KCNMB2: variants seen among roughly 807,000 people sequenced by gnomAD.
The protein encoded by KCNMB2 is calcium-activated potassium channel subunit beta-2.
In KCNMB2, 9 loss-of-function variants were observed where a neutral mutation model predicts 24.5. The ratio of observed to expected loss-of-function variants is 0.37; its 90% CI spans 0.22 to 0.64. The LOEUF (loss-of-function observed/expected upper bound fraction) is 0.64, where lower values mean the gene tolerates loss of function less well. Ranked by LOEUF, KCNMB2 falls within the 30% of genes least tolerant of loss-of-function variation. The pLI is 0.63. For missense variants in KCNMB2, 226 were observed against 284.3 expected (o/e 0.79, Z 1.47); for synonymous variants, 109 against 104.4 (o/e 1.04, Z -0.27).
At chr3:178,769,598 T>C (rs1012466871) in intron 1 of KCNMB2, among the ~76,000 whole-genome samples, 4 of 152,188 alleles carry the variant, frequency 2.6e-5, no homozygotes, top group African/African-American at 9.7e-5. Flanking sequence ...GTAGAAAGTA[T>C]AAAAATACTT....
chr3:178,644,933 G>A (rs1432877833), intron 1 of KCNMB2, among the ~76,000 whole-genome samples: 1 of 151,804 alleles, frequency 6.6e-6, no homozygotes, highest in East Asian at 1.9e-4. Context: ...ATGAAGACAT[G>A]TATATGAAAA....
chr3:178,547,069 C>T (rs770937627), intron 1 of KCNMB2, among the ~76,000 whole-genome samples: 5 of 152,214 alleles, frequency 3.3e-5, no homozygotes, highest in Non-Finnish European at 5.9e-5. Context: ...GTCATGAGTG[C>T]TCTGCCCTCC....
intron 1 of KCNMB2, among the ~76,000 whole-genome samples, chr3:178,682,454 T>C (rs1372664539): frequency 1.3e-5 from 2 of 152,068 alleles, no homozygotes; most frequent in Non-Finnish European, 2.9e-5. Flanking sequence ...AAATCTTCTA[T>C]TCAGCATCTC....
intron 1 of KCNMB2, among the ~76,000 whole-genome samples, chr3:178,756,014 C>T (rs768206346): frequency 9.9e-5 from 15 of 152,030 alleles, no homozygotes; most frequent in Non-Finnish European, 1.8e-4. Context: ...AACTTTCTTG[C>T]TGAAAATTTG....
chr3:178,787,178 T>C (rs1420066538), intron 1 of KCNMB2, among the ~76,000 whole-genome samples: 1 of 152,224 alleles, frequency 6.6e-6, no homozygotes, highest in Non-Finnish European at 1.5e-5. Flanking sequence ...TTTAACTGTG[T>C]GAACCTTTAC....
At chr3:178,594,329 G>C (rs1717787877) in intron 1 of KCNMB2, among the ~76,000 whole-genome samples, 1 of 152,104 alleles carries the variant, frequency 6.6e-6, no homozygotes, top group Admixed American at 6.6e-5. Flanking sequence ...CAAAAGCAGA[G>C]AGACCAATTA....
chr3:178,786,479 A>T (rs115510347), intron 1 of KCNMB2, among the ~76,000 whole-genome samples: 2 of 152,198 alleles, frequency 1.3e-5, no homozygotes, highest in African/African-American at 4.8e-5. Context: ...TCCTAACACC[A>T]TAAGAAGTTT....
intron 1 of KCNMB2, among the ~76,000 whole-genome samples, chr3:178,694,729 A>G (rs1409114614): frequency 6.6e-6 from 1 of 152,240 alleles, no homozygotes; most frequent in African/African-American, 2.4e-5. Context: ...TGCTGATTCA[A>G]GAGGTGGGCT....
intron 1 of KCNMB2, among the ~76,000 whole-genome samples, chr3:178,639,101 G>A (rs898333588): frequency 1.3e-5 from 2 of 152,026 alleles, no homozygotes; most frequent in Non-Finnish European, 2.9e-5. Flanking sequence ...ATAAATCCAA[G>A]TAACATCTTC....
intron 1 of KCNMB2, among the ~76,000 whole-genome samples, chr3:178,775,958 C>T (rs1422464874): frequency 6.6e-6 from 1 of 152,120 alleles, no homozygotes; most frequent in Non-Finnish European, 1.5e-5. Context: ...CCCAGGGTTC[C>T]ATCTTAAGCA....
At chr3:178,757,330 ATGT>A (rs1179268139) in intron 1 of KCNMB2, among the ~76,000 whole-genome samples, 12 of 110,748 alleles carry the variant, frequency 1.1e-4, no homozygotes, top group African/African-American at 4.3e-4. Flanking sequence ...ACATATATAT[ATGT>A]ATATATATCC....
At chr3:178,834,132 T>C (rs1319478623) in intron 4 of KCNMB2, among the ~76,000 whole-genome samples, 1 of 152,180 alleles carries the variant, frequency 6.6e-6, no homozygotes, top group East Asian at 1.9e-4. Flanking sequence ...CATTTTTTGG[T>C]ATATGGCATA....
At chr3:178,667,078 ATTTAT>A (rs988957457) in intron 1 of KCNMB2, among the ~76,000 whole-genome samples, 1 of 152,030 alleles carries the variant, frequency 6.6e-6, no homozygotes, top group African/African-American at 2.4e-5. Flanking sequence ...TTATTGTTAT[ATTTAT>A]TTTATTTTTT....
At chr3:178,710,641 AGT>A (rs1577116262) in intron 1 of KCNMB2, among the ~76,000 whole-genome samples, 1 of 151,930 alleles carries the variant, frequency 6.6e-6, no homozygotes, top group African/African-American at 2.4e-5. Context: ...TGTGTGCGTG[AGT>A]GTGTGTGCGT....
chr3:178,819,902 AG>A (rs1452495661), intron 2 of KCNMB2, among the ~76,000 whole-genome samples: 5 of 152,198 alleles, frequency 3.3e-5, no homozygotes, highest in African/African-American at 1.2e-4. Flanking sequence ...AACGTATTCA[AG>A]AAAGGCATAT....
At chr3:178,794,320 G>T (rs1420926344) in intron 1 of KCNMB2, among the ~76,000 whole-genome samples, 1 of 152,090 alleles carries the variant, frequency 6.6e-6, no homozygotes, top group Non-Finnish European at 1.5e-5. Flanking sequence ...AAGACCGGCT[G>T]TCCCCTCTAT....
At chr3:178,809,687 A>C (rs1259142078) in intron 2 of KCNMB2, among the ~76,000 whole-genome samples, 1 of 152,242 alleles carries the variant, frequency 6.6e-6, no homozygotes, top group Non-Finnish European at 1.5e-5. Context: ...ATCAAAGAAG[A>C]TAATAAACAT....
intron 1 of KCNMB2, among the ~76,000 whole-genome samples, chr3:178,779,407 G>A (rs1712730538): frequency 6.6e-6 from 1 of 152,172 alleles, no homozygotes; most frequent in South Asian, 2.1e-4. Flanking sequence ...ACGTAAACTA[G>A]AAGAATTGTA....
chr3:178,571,437 T>C, intron 1 of KCNMB2, among the ~76,000 whole-genome samples: 1 of 138,824 alleles, frequency 7.2e-6, no homozygotes, highest in Non-Finnish European at 1.6e-5. Flanking sequence ...GGATCTGCCT[T>C]TTCCTTATGG....
Sources: gnomAD v4.1 joint callset for allele counts (sites outside exome capture counted in the v4.1 genomes callset) on GRCh38, gnomAD v4.1.1 for gene constraint, MANE v1.5 for transcripts, NCBI Gene and HGNC (gene_info 2026-07-23, HGNC 2026-07-21) for gene names.